The following CACNA2D3 variants were observed in gnomAD, a reference collection of about 807,000 sequenced individuals.
CACNA2D3 encodes voltage-dependent calcium channel subunit alpha-2/delta-3.
CACNA2D3 carries 60 observed loss-of-function variants against 160.6 expected under a neutral mutation model. The observed-to-expected ratio is 0.37, with a 90% CI of 0.30 to 0.46. The LOEUF is 0.46. Among genes scored for constraint, CACNA2D3 ranks in the 20% least tolerant of loss-of-function variants. The pLI, the probability that CACNA2D3 is intolerant of heterozygous loss-of-function variation, is 1.00. For synonymous variants in CACNA2D3, 558 were observed against 492.9 expected (o/e 1.13, Z -1.75); for missense variants, 1,205 against 1,365.0 (o/e 0.88, Z 1.85).
chr3:54,338,582 G>A (rs7615581), intron 3 of CACNA2D3, among the ~76,000 whole-genome samples: 13,668 of 149,610 alleles, frequency 0.091, 812 homozygotes, highest in East Asian at 0.19. Context: ...GCAATCAGTC[G>A]CTTACAGATA....
chr3:54,656,368 T>C (rs2106873021), intron 11 of CACNA2D3, among the ~76,000 whole-genome samples: 1 of 152,316 alleles, frequency 6.6e-6, no homozygotes, highest in South Asian at 2.1e-4. Context: ...CCATAGACTG[T>C]GAACTGGCTG....
chr3:54,953,903 C>T (rs1311802205), intron 27 of CACNA2D3, among the ~76,000 whole-genome samples: 1 of 152,126 alleles, frequency 6.6e-6, no homozygotes, highest in African/African-American at 2.4e-5. Flanking sequence ...TGAGGTCACC[C>T]CGTTTTGCTA....
chr3:55,043,188 T>A (rs1703994420), intron 35 of CACNA2D3, among the ~76,000 whole-genome samples: 1 of 152,264 alleles, frequency 6.6e-6, no homozygotes, highest in Admixed American at 6.5e-5. Context: ...ACCTCCAAAC[T>A]GTTTTACATA....
chr3:54,839,029 G>A (rs531612406), intron 16 of CACNA2D3, among the ~76,000 whole-genome samples: 8 of 152,264 alleles, frequency 5.3e-5, no homozygotes, highest in East Asian at 1.9e-4. Context: ...AGGCCGATGC[G>A]GGTGGATCAC....
In CACNA2D3 at chr3:54,149,928, T is replaced by TCTCTCTCTCTCTCCCTCCCTCC. The variant is rs1559863335; in HGVS notation, c.204+26337_204+26338insTCTCTCTCTCCCTCCCTCCCTC. Among the ~76,000 whole-genome samples, 60 of 35,558 alleles carry TCTCTCTCTCTCTCCCTCCCTCC rather than the reference T, an allele frequency of 1.7e-3. 1 individual carries two copies. Among genetic ancestry groups the TCTCTCTCTCTCTCCCTCCCTCC allele is most frequent in the African/African-American group, 8.1e-3 (55 of 6,778 alleles). The allele number at this position is 35,558 out of a possible 152,430, so 23.3% of individuals were successfully genotyped here. A position where few individuals can be genotyped will look rare whatever the true frequency, so the allele number is the denominator to read the frequency against. ...CTCTCTCTCTCTCTCTCTCTCTCTCTCTCCCTCCCTCCCTCCCTCCCTCCC... is the reference window on the plus strand; with the variant it reads ...CTCTCTCTCTCTCTCTCTCTCTCTCTCTCTCTCTCTCTCCCTCCCTCCCTCCCTCCCTCCCTCCCTCCCTCCC... On this transcript the variant is annotated intron_variant, in intron 2 of 37. Transcript: ENST00000474759.
At chr3:54,902,795 T>C (rs1393240280) in intron 27 of CACNA2D3, among the ~76,000 whole-genome samples, 1 of 152,234 alleles carries the variant, frequency 6.6e-6, no homozygotes, top group Non-Finnish European at 1.5e-5. Flanking sequence ...TTACCTCCCT[T>C]GCCTTCCTGT....
At chr3:54,858,401 T>G (rs1396056367) in intron 17 of CACNA2D3, among the ~76,000 whole-genome samples, 2 of 152,154 alleles carry the variant, frequency 1.3e-5, no homozygotes, top group African/African-American at 4.8e-5. Context: ...GGGGTAGGAA[T>G]ACACAGGAAG....
At chr3:54,372,786 C>T (rs1698948448) in intron 3 of CACNA2D3, among the ~76,000 whole-genome samples, 3 of 152,146 alleles carry the variant, frequency 2.0e-5, no homozygotes. Context: ...ATTACCTGGG[C>T]ATTAAAAACG....
chr3:54,877,623 A>G (rs1699692930), intron 18 of CACNA2D3, among the ~76,000 whole-genome samples: 1 of 152,202 alleles, frequency 6.6e-6, no homozygotes, highest in Non-Finnish European at 1.5e-5. Context: ...AGGTTCAATA[A>G]GTATAACCTG....
chr3:54,578,071 A>G (rs1239617566), intron 8 of CACNA2D3, among the ~76,000 whole-genome samples: 2 of 152,152 alleles, frequency 1.3e-5, no homozygotes, highest in African/African-American at 4.8e-5. Flanking sequence ...CTGTCTTCCT[A>G]AGAGACTCTT....
intron 18 of CACNA2D3, among the ~76,000 whole-genome samples, chr3:54,878,063 T>G (rs1321141733): frequency 1.3e-5 from 2 of 152,184 alleles, no homozygotes; most frequent in Non-Finnish European, 2.9e-5. Flanking sequence ...CTTTACTCAC[T>G]CACACAGAAG....
At chr3:54,798,993 T>A (rs571327104) in intron 13 of CACNA2D3, among the ~76,000 whole-genome samples, 1 of 152,366 alleles carries the variant, frequency 6.6e-6, no homozygotes, top group South Asian at 2.1e-4. Context: ...ATTTATTTTT[T>A]TAATCAAAAC....
intron 11 of CACNA2D3, among the ~76,000 whole-genome samples, chr3:54,693,432 C>T (rs554320700): frequency 6.6e-6 from 1 of 152,332 alleles, no homozygotes; most frequent in South Asian, 2.1e-4. Flanking sequence ...CTGGCATCAA[C>T]AGTCATATAA....
chr3:54,853,951 C>T (rs930036215), intron 17 of CACNA2D3, among the ~76,000 whole-genome samples: 3 of 152,162 alleles, frequency 2.0e-5, no homozygotes, highest in Non-Finnish European at 4.4e-5. Flanking sequence ...TGCCAGCCTC[C>T]TGGACCCCCG....
rs573734621 is a variant in CACNA2D3, at chr3:54,968,877, A to G, written c.2511+366A>G. 3.3e-5 allele frequency among the ~76,000 whole-genome samples: 5 copies of G among 152,344 alleles called. No individual in the cohort carries two copies. In the South Asian group the frequency reaches 1.0e-3, roughly 32 times the overall value. On this transcript the variant is annotated intron_variant, in intron 28 of 37. Transcript: ENST00000474759. ...CTTGTGAATCTCATTATCAAAATCT[A>G]GAAACCCTTTACGTAACTAGTTTCT...
intron 4 of CACNA2D3, among the ~76,000 whole-genome samples, chr3:54,406,308 T>C (rs969087087): frequency 6.6e-6 from 1 of 152,018 alleles, no homozygotes; most frequent in Non-Finnish European, 1.5e-5. Context: ...TGCCCATCAG[T>C]GGACTAATGG....
intron 13 of CACNA2D3, among the ~76,000 whole-genome samples, chr3:54,804,226 G>T (rs1703061345): frequency 6.6e-6 from 1 of 151,754 alleles, no homozygotes; most frequent in Admixed American, 6.6e-5. Flanking sequence ...AAATGTAAAT[G>T]GACTAAATGC....
intron 2 of CACNA2D3, among the ~76,000 whole-genome samples, chr3:54,181,066 G>A (rs1343821364): frequency 2.0e-5 from 3 of 152,170 alleles, no homozygotes; most frequent in African/African-American, 7.2e-5. Context: ...CTCTGTGACT[G>A]GTGGATGGTT....
At chr3:54,796,811 T>C (rs1293097480) in intron 13 of CACNA2D3, among the ~76,000 whole-genome samples, 8 of 152,166 alleles carry the variant, frequency 5.3e-5, no homozygotes, top group Non-Finnish European at 7.3e-5. Flanking sequence ...TAATAGCTTA[T>C]TACGTTTTTC....
Sources: gnomAD v4.1 joint callset for allele counts (sites outside exome capture counted in the v4.1 genomes callset) on GRCh38, gnomAD v4.1.1 for gene constraint, MANE v1.5 for transcripts, NCBI Gene and HGNC (gene_info 2026-07-23, HGNC 2026-07-21) for gene names.